The following SLC13A3 variants were observed in gnomAD, a reference collection of about 807,000 sequenced individuals.
SLC13A3 encodes the protein Na(+)/dicarboxylate cotransporter 3.
Under a neutral mutation model 59.0 loss-of-function variants are expected in SLC13A3, and 40 were observed. The ratio of observed to expected loss-of-function variants is 0.68; its 90% CI spans 0.53 to 0.88. The LOEUF is 0.88. Ranked by LOEUF, SLC13A3 falls within the 40% of genes least tolerant of loss-of-function variation. SLC13A3 has a pLI of 0.00. For synonymous variants in SLC13A3, 317 were observed against 330.3 expected (o/e 0.96, Z 0.44); for missense variants, 699 against 783.2 (o/e 0.89, Z 1.28).
intron 1 of SLC13A3, among the ~76,000 whole-genome samples, chr20:46,635,205 C>A (rs2062783987): frequency 6.6e-6 from 1 of 152,146 alleles, no homozygotes; most frequent in Admixed American, 6.5e-5. Context: ...ATCTGTAAAC[C>A]ACTTTGGGTC....
chr20:46,639,637 G>A lies in SLC13A3; in HGVS notation c.111+11674C>T, dbSNP rs571390023. On this transcript the variant is annotated intron_variant, in intron 1 of 12. Transcript: ENST00000279027. ...ACTCCAGTGTCTGGATGACATCACT[G>A]TCCTCTGGGAAGCCTGTCTTGATGT... Among the ~76,000 whole-genome samples the A allele has an allele frequency of 2.6e-5, 4 of 152,292 alleles. No individual in the cohort carries two copies. In the East Asian group the frequency reaches 7.7e-4, roughly 29 times the overall value.
chr20:46,589,018 T>A (rs1179546117), intron 7 of SLC13A3, 142 bp downstream of exon 7: 1 of 703,690 alleles, frequency 1.4e-6, no homozygotes, highest in Non-Finnish European at 2.4e-6. Context: ...CCACCTCCCA[T>A]CCTCCATCTC....
intron 10 of SLC13A3, among the ~76,000 whole-genome samples, chr20:46,568,912 A>C (rs2062005811): frequency 6.6e-6 from 1 of 152,356 alleles, no homozygotes; most frequent in South Asian, 2.1e-4. Context: ...CAGCTTCCTA[A>C]GAGAGGAAAA....
chr20:46,592,498 C>T lies in SLC13A3; in HGVS notation c.826G>A (p.Gly276Ser), dbSNP rs1166894086. 6.8e-6 allele frequency: 11 copies of T among 1,613,614 alleles called. No homozygotes were observed. The highest frequency in any genetic ancestry group is 2.2e-5 in the East Asian group (1 of 44,872). The part of the protein sequence containing the change: ...FFPQCDVVNF[G>S]SWFIFAFPLM... ...GGGAAGGCGAAAATGAACCAGGAGC[C>T]GAAATTCACCACGTCACACTGCGGA... Residue 276 changes from glycine to serine, a missense_variant, in exon 6 of 13, where the codon GGC becomes AGC. Transcript: ENST00000279027.
chr20:46,680,472 C>G (rs6094424), intron 1 of SLC13A3, among the ~76,000 whole-genome samples: 109,014 of 152,150 alleles, frequency 0.72, 40,243 homozygotes, highest in African/African-American at 0.91. Context: ...CTTAAGGAAG[C>G]ACCTATTGCC....
upstream of SLC13A3, chr20:46,673,772 C>T (rs2063106317): frequency 6.6e-6 from 1 of 152,232 alleles, no homozygotes; most frequent in Non-Finnish European, 1.5e-5. Context: ...TGCCACACTC[C>T]CAGTGCCTGG....
chr20:46,651,223 G>A, intron 1 of SLC13A3, 88 bp downstream of exon 1: 1 of 1,393,814 alleles, frequency 7.2e-7, no homozygotes, highest in Non-Finnish European at 9.3e-7. Context: ...TCTACACTGG[G>A]ACCTCAGCGG....
Position 46,620,374 on chromosome 20 carries a change from C to T in SLC13A3, c.112-6649G>A, listed in dbSNP as rs868462878. ...TCAAATTTTTGCACCAAAATAAACT[C>T]ATACTAACTTATTATCACATGTCTG... is the stretch of plus-strand genomic sequence containing the variant. On this transcript the variant is annotated intron_variant, in intron 1 of 12. Transcript: ENST00000279027. Among the ~76,000 whole-genome samples the T allele has an allele frequency of 4.6e-5, 7 of 152,278 alleles. No homozygotes were observed. The South Asian group carries it at 1.5e-3, about 32-fold the overall frequency.
At chr20:46,585,639 A>G in intron 8 of SLC13A3, 3 of 1,273,014 alleles carry the variant, frequency 2.4e-6, no homozygotes, top group Non-Finnish European at 3.1e-6. Flanking sequence ...TCAGATAGGC[A>G]TTGTTTAAAA....
At chr20:46,560,972 G>A (rs185457955) in intron 12 of SLC13A3, among the ~76,000 whole-genome samples, 4 of 152,174 alleles carry the variant, frequency 2.6e-5, no homozygotes, top group Admixed American at 6.5e-5. Flanking sequence ...GTCTCTCTTA[G>A]GGGTGTGATA....
chr20:46,579,561 A>AG (rs1243920745), intron 9 of SLC13A3, among the ~76,000 whole-genome samples: 1 of 152,238 alleles, frequency 6.6e-6, no homozygotes. Context: ...AAGTCTGCAC[A>AG]GGGTCACTGG....
intron 1 of SLC13A3, among the ~76,000 whole-genome samples, chr20:46,631,640 A>G (rs576262819): frequency 1.3e-5 from 2 of 152,152 alleles, no homozygotes; most frequent in East Asian, 3.9e-4. Context: ...ACACCCACCC[A>G]ACCCATACAT....
At chr20:46,579,674 T>G (rs1171861886) in intron 9 of SLC13A3, among the ~76,000 whole-genome samples, 1 of 152,210 alleles carries the variant, frequency 6.6e-6, no homozygotes, top group African/African-American at 2.4e-5. Flanking sequence ...CACATTGGCA[T>G]TCCATGGACC....
chr20:46,568,974 T>G (rs745675968), intron 10 of SLC13A3, among the ~76,000 whole-genome samples: 6 of 152,114 alleles, frequency 3.9e-5, no homozygotes, highest in Non-Finnish European at 8.8e-5. Context: ...TCACCTGCCC[T>G]TTCCCATTTT....
chr20:46,659,472 T>G (rs2122908195), intron 1 of SLC13A3, among the ~76,000 whole-genome samples: 1 of 152,212 alleles, frequency 6.6e-6, no homozygotes, highest in African/African-American at 2.4e-5. Context: ...ATCCCAGCAA[T>G]CTGGGAGGCT....
Position 46,604,308 on chromosome 20 carries a change from C to G in SLC13A3, c.542-4271G>C, listed in dbSNP as rs1407207123. Among the ~76,000 whole-genome samples the G allele has an allele frequency of 2.0e-5, 3 of 152,158 alleles. No homozygotes were observed. In the South Asian group the frequency reaches 6.2e-4, roughly 32 times the overall value. On this transcript the variant is annotated intron_variant, in intron 3 of 12. Coordinates refer to ENST00000279027, the MANE Select transcript of SLC13A3 (RefSeq NM_022829.6). ...CTGGGTTCCTTTTAACACCCCCTTC[C>G]TGAAATAATCAGGGTAGCTCATGGC...
intron 1 of SLC13A3, among the ~76,000 whole-genome samples, chr20:46,680,767 T>C (rs2063150389): frequency 6.6e-6 from 1 of 152,162 alleles, no homozygotes; most frequent in Non-Finnish European, 1.5e-5. Flanking sequence ...CTCTGCCCTC[T>C]CCTGTGTCCT....
At chr20:46,645,224 T>C (rs1341545759) in intron 1 of SLC13A3, among the ~76,000 whole-genome samples, 2 of 152,254 alleles carry the variant, frequency 1.3e-5, no homozygotes, top group Non-Finnish European at 2.9e-5. Flanking sequence ...GAAAGCCGCC[T>C]GTGGATTACA....
chr20:46,648,944 C>CAT (rs1476534888), intron 1 of SLC13A3, among the ~76,000 whole-genome samples: 7 of 125,888 alleles, frequency 5.6e-5, no homozygotes, highest in African/African-American at 2.2e-4. Context: ...CACACACATA[C>CAT]ACACACACAC....
Sources: gnomAD v4.1 joint callset for allele counts (sites outside exome capture counted in the v4.1 genomes callset) on GRCh38, gnomAD v4.1.1 for gene constraint, MANE v1.5 for transcripts, NCBI Gene and HGNC (gene_info 2026-07-23, HGNC 2026-07-21) for gene names.